Variants in RABL2B observed in about 807,000 individuals in gnomAD.
RABL2B encodes RAB, member of RAS oncogene family like 2B.
Under a neutral mutation model 26.7 loss-of-function variants are expected in RABL2B, and 17 were observed. That is an observed-to-expected ratio of 0.64 (90% CI 0.44 to 0.95). The LOEUF (loss-of-function observed/expected upper bound fraction) is 0.95. RABL2B is among the 40% of genes least tolerant of loss of function. RABL2B has a pLI of 0.00. For synonymous variants in RABL2B, 70 were observed against 103.9 expected (o/e 0.67, Z 1.99); for missense variants, 170 against 277.2 (o/e 0.61, Z 2.75).
At position 50,782,205 on chromosome 22, in the gene RABL2B, G is replaced by C; in HGVS notation, c.90C>G (p.Ser30Arg). 3 of 1,546,722 alleles carry C rather than the reference G, an allele frequency of 1.9e-6. No homozygotes were observed. The highest frequency in any genetic ancestry group is 1.2e-5 in the South Asian group (1 of 86,204). The change falls in exon 2 of 9, where the codon AGC (serine) becomes AGG (arginine). Residue 30 changes from serine (S) to arginine (R), a missense_variant. Around this residue, in one of 2 missense-constraint regions of RABL2B, gnomAD observed 5 missense variants for 45.2 expected, o/e 0.11. Transcript: ENST00000691320. ...DNVKIICLGDSAVGKSKLMER... is the reference protein window; with the variant it reads ...DNVKIICLGDRAVGKSKLMER... Reference sequence around the variant, plus strand: ...CAACATACTTGGATTTGCCCACTGCGCTGTCTCCCAGGCAGATGATCTTCA... The same window carrying C: ...CAACATACTTGGATTTGCCCACTGCCCTGTCTCCCAGGCAGATGATCTTCA...
intron 2 of RABL2B, among the ~76,000 whole-genome samples, chr22:50,781,387 T>C (rs1196215431): frequency 2.0e-3 from 236 of 116,804 alleles, no homozygotes; most frequent in African/African-American, 6.8e-3. Context: ...CAGTATGTGA[T>C]TGTGTGGTGG....
chr22:50,774,837 G>C (rs1400183048), intron 5 of RABL2B, among the ~76,000 whole-genome samples: 1 of 151,942 alleles, frequency 6.6e-6, no homozygotes, highest in Admixed American at 6.5e-5. Context: ...GAGTGCAATG[G>C]TGTGATCTCG....
intron 3 of RABL2B, among the ~76,000 whole-genome samples, chr22:50,776,989 G>A (rs1569178655): frequency 1.3e-5 from 2 of 152,154 alleles, no homozygotes; most frequent in Admixed American, 6.5e-5. Context: ...GAAGTCTGAG[G>A]TAAAACACAG....
chr22:50,770,983 C>T (rs1483371516), intron 5 of RABL2B, among the ~76,000 whole-genome samples: 1 of 149,966 alleles, frequency 6.7e-6, no homozygotes. Context: ...CTCAAGGGAT[C>T]CTCCCACCTG....
rs782313341 is a variant in RABL2B, at chr22:50,776,773, A to T, written c.138-24T>A. ...GACTGCACTCAGGTTAAGGAGCAAAATCAATAAAAGGGGAGGTAAGGAAGG... is the reference window on the plus strand; with the variant it reads ...GACTGCACTCAGGTTAAGGAGCAAATTCAATAAAAGGGGAGGTAAGGAAGG... On this transcript the variant is annotated intron_variant, in intron 3 of 8. Coordinates refer to ENST00000691320, the MANE Select transcript of RABL2B (RefSeq NM_001130919.3). 183 of 1,592,874 alleles carry T rather than the reference A, an allele frequency of 1.1e-4. No homozygotes were observed. In the Middle Eastern group the frequency reaches 3.3e-3, roughly 29 times the overall value.
chr22:50,776,410 C>G (rs1250384250), intron 4 of RABL2B, among the ~76,000 whole-genome samples: 8 of 152,250 alleles, frequency 5.3e-5, no homozygotes, highest in Non-Finnish European at 8.8e-5. Flanking sequence ...GTACAGCCCC[C>G]TGACTTCTCC....
intron 5 of RABL2B, among the ~76,000 whole-genome samples, chr22:50,774,929 C>T (rs1453546131): frequency 6.6e-6 from 1 of 152,116 alleles, no homozygotes; most frequent in Non-Finnish European, 1.5e-5. Flanking sequence ...AGGCACCCGC[C>T]ACCATGCCCG....
chr22:50,780,308 CAAG>C (rs1489526218), intron 2 of RABL2B, among the ~76,000 whole-genome samples: 1 of 151,330 alleles, frequency 6.6e-6, no homozygotes, highest in Non-Finnish European at 1.5e-5. Flanking sequence ...CTGAACTCTG[CAAG>C]AAGGCCGCAC....
chr22:50,768,867 C>G lies in RABL2B; in HGVS notation c.599G>C (p.Ser200Thr), dbSNP rs2083725076. 3 of 1,612,406 alleles carry G rather than the reference C, an allele frequency of 1.9e-6. No individual in the cohort carries two copies. Among genetic ancestry groups the G allele is most frequent in the South Asian group, 2.2e-5 (2 of 90,972 alleles). ...DEIFQELENFSLEQEEEDVPD... is the reference protein window; with the variant it reads ...DEIFQELENFTLEQEEEDVPD... ...CACGTCCTCCTCTTCCTGCTCCAAG[C>G]TGAAGTTCTGTGAACAAGGTCGCAG... Residue 200 changes from serine (S) to threonine (T), a missense_variant, in exon 9 of 9, where the codon AGC becomes ACC. Ser to Thr is a moderately conservative substitution (Grantham distance 58). Transcript: ENST00000691320.
chr22:50,780,389 A>T (rs561060490), intron 2 of RABL2B, among the ~76,000 whole-genome samples: 2 of 149,756 alleles, frequency 1.3e-5, no homozygotes, highest in African/African-American at 2.5e-5. Context: ...GATGAACACA[A>T]GTGTTAACTT....
intron 2 of RABL2B, among the ~76,000 whole-genome samples, chr22:50,778,321 G>A (rs2085299459): frequency 6.6e-6 from 1 of 151,466 alleles, no homozygotes; most frequent in South Asian, 2.1e-4. Flanking sequence ...CCGTTCAAAA[G>A]CCATTTCCCG....
At chr22:50,776,541 C>A (rs1326398066) in intron 4 of RABL2B, 129 bp downstream of exon 4, 19 of 1,356,888 alleles carry the variant, frequency 1.4e-5, no homozygotes, top group Non-Finnish European at 1.8e-5. Context: ...CTCTCTAGCA[C>A]CCCTTGTCCC....
chr22:50,781,338 C>T (rs182321900), intron 2 of RABL2B, among the ~76,000 whole-genome samples: 2,972 of 133,898 alleles, frequency 0.022, 99 homozygotes, highest in African/African-American at 0.071. Flanking sequence ...AGCGAGACTC[C>T]GTCTCAAAAA....
rs1555930480 is a variant in RABL2B, at chr22:50,782,325, C to G, written c.-31G>C. The G allele has an allele frequency of 1.5e-6, 2 of 1,310,168 alleles. No individual in the cohort carries two copies. The highest frequency in any genetic ancestry group is 3.1e-5 in the African/African-American group (2 of 64,484). The allele number at this position is 1,310,168 out of a possible 1,614,324, so 81.2% of individuals were successfully genotyped here. ...CCTAGCTGTAGAGAGGGGTCCAGCC[C>G]AAGGGAGGGGAGGGTATTGTCACTG... On this transcript the variant is annotated 5_prime_UTR_variant, in exon 2 of 9. Transcript: ENST00000691320.
rs782061696 is a variant in RABL2B, at chr22:50,768,845, G to A, written c.621C>T (p.Asp207=). The A allele has an allele frequency of 1.7e-5, 27 of 1,613,234 alleles. No homozygotes were observed. Among genetic ancestry groups the A allele is most frequent in the South Asian group, 1.1e-4 (10 of 91,038 alleles). Residue 207 remains aspartate, a synonymous_variant, in exon 9 of 9, where the codon GAC becomes GAT. Transcript: ENST00000691320. ...TGCTGCTCTGTTCCTGGTCTGGCACGTCCTCCTCTTCCTGCTCCAAGCTGA... is the reference window on the plus strand; with the variant it reads ...TGCTGCTCTGTTCCTGGTCTGGCACATCCTCCTCTTCCTGCTCCAAGCTGA... ...ENFSLEQEEE[D]VPDQEQSSSI...
chr22:50,773,751 A>G (rs1426277018), intron 5 of RABL2B, among the ~76,000 whole-genome samples: 1 of 151,180 alleles, frequency 6.6e-6, no homozygotes. Context: ...CCCCTCTGCT[A>G]TTGCTTCTTA....
Position 50,767,574 on chromosome 22 carries a change from G to GCAAA in RABL2B, c.*1198_*1201dup. ...ACAAAACCCTATTAATAAACACAAT[G>GCAAA]CAAACAATGCCCGAGATTATCATAA... On this transcript the variant is annotated 3_prime_UTR_variant, in exon 9 of 9. Transcript: ENST00000691320. The GCAAA allele has an allele frequency of 2.9e-6, 1 of 340,050 alleles. No homozygotes were observed. 21.1% of individuals were successfully genotyped at this position (340,050 alleles called of 1,614,324 possible).
At chr22:50,775,920 A>G in intron 4 of RABL2B, 69 bp from the exon 5 acceptor site, 1 of 1,599,558 alleles carries the variant, frequency 6.3e-7, no homozygotes, top group South Asian at 1.1e-5. Context: ...GATACAACAC[A>G]CATGCGGCAC....
Position 50,781,062 on chromosome 22 carries a change from C to T in RABL2B, c.107+1126G>A, listed in dbSNP as rs1285444912. 3.3e-5 allele frequency among the ~76,000 whole-genome samples: 5 copies of T among 152,102 alleles called. No homozygotes were observed. In the East Asian group the frequency reaches 5.8e-4, roughly 18 times the overall value. ...AACTATAAAATACTAAACCAGAGGC[C>T]GGGCGCGGTGGCTCATGCCTATAAT... On this transcript the variant is annotated intron_variant, in intron 2 of 8. Transcript: ENST00000691320.
Sources: allele counts gnomAD v4.1 joint callset (sites outside exome capture counted in the v4.1 genomes callset), GRCh38; gene constraint gnomAD v4.1.1; regional missense constraint gnomAD v4.1.1; transcripts MANE v1.5; gene names NCBI Gene and HGNC (gene_info 2026-07-23, HGNC 2026-07-21).